The following CSGALNACT1 variants were observed in gnomAD, a reference collection of about 807,000 sequenced individuals.
CSGALNACT1 encodes beta4GalNAcT-1.
CSGALNACT1 carries 52 observed loss-of-function variants against 51.0 expected under a neutral mutation model. That is an observed-to-expected ratio of 1.02 (90% CI 0.82 to 1.29). CSGALNACT1 has a LOEUF of 1.29. Ranked by LOEUF, CSGALNACT1 falls within the 50% of genes most tolerant of loss-of-function variation. CSGALNACT1 has a pLI of 0.00. For synonymous variants in CSGALNACT1, 341 were observed against 254.4 expected, an observed-to-expected ratio of 1.34 and a Z score of -3.24; for missense variants, 935 against 679.2, an observed-to-expected ratio of 1.38 and a Z score of -4.19.
intron 6 of CSGALNACT1, among the ~76,000 whole-genome samples, chr8:19,431,832 T>G (rs1326724569): frequency 6.6e-6 from 1 of 151,846 alleles, no homozygotes; most frequent in Non-Finnish European, 1.5e-5. Flanking sequence ...TTTAATTAAA[T>G]CAATCCATTT....
At chr8:19,573,285 A>C (rs1004666557) in intron 3 of CSGALNACT1, among the ~76,000 whole-genome samples, 2 of 152,222 alleles carry the variant, frequency 1.3e-5, no homozygotes, top group African/African-American at 4.8e-5. Flanking sequence ...CAACTGCTGG[A>C]AAGTGATCAA....
intron 3 of CSGALNACT1, among the ~76,000 whole-genome samples, chr8:19,512,826 G>A (rs190050526): frequency 2.2e-4 from 33 of 152,232 alleles, no homozygotes; most frequent in Non-Finnish European, 3.8e-4. Flanking sequence ...AAGTGTCAGG[G>A]ACTTTAGGAA....
intron 6 of CSGALNACT1, among the ~76,000 whole-genome samples, chr8:19,424,263 A>C (rs749940106): frequency 1.3e-5 from 2 of 152,052 alleles, no homozygotes; most frequent in Non-Finnish European, 2.9e-5. Flanking sequence ...CAGAGTGCTA[A>C]CTCTGTCATC....
intron 4 of CSGALNACT1, among the ~76,000 whole-genome samples, chr8:19,503,967 T>C (rs915918694): frequency 2.0e-5 from 3 of 152,198 alleles, no homozygotes; most frequent in Non-Finnish European, 4.4e-5. Flanking sequence ...AGGAGGCTTT[T>C]TGATTTGATG....
At chr8:19,453,723 C>T (rs1037086386) in intron 5 of CSGALNACT1, among the ~76,000 whole-genome samples, 4 of 152,058 alleles carry the variant, frequency 2.6e-5, no homozygotes, top group African/African-American at 7.2e-5. Flanking sequence ...ACCAGCCTGG[C>T]GAACATGGTG....
At chr8:19,621,036 A>G (rs534773948) in intron 1 of CSGALNACT1, among the ~76,000 whole-genome samples, 1 of 152,366 alleles carries the variant, frequency 6.6e-6, no homozygotes, top group East Asian at 1.9e-4. Flanking sequence ...GGTCATTTTT[A>G]CGAAAATGAA....
chr8:19,668,752 C>T (rs1285021820), intron 1 of CSGALNACT1, among the ~76,000 whole-genome samples: 1 of 152,094 alleles, frequency 6.6e-6, no homozygotes, highest in African/African-American at 2.4e-5. Context: ...GGGGTCTCAC[C>T]ATGTTGCCCA....
chr8:19,664,656 CACACACACAT>C (rs749789841), intron 1 of CSGALNACT1, among the ~76,000 whole-genome samples: 52 of 151,452 alleles, frequency 3.4e-4, no homozygotes, highest in African/African-American at 4.4e-4. Context: ...AACACACACA[CACACACACAT>C]ACACACATAC....
intron 1 of CSGALNACT1, among the ~76,000 whole-genome samples, chr8:19,740,579 G>A (rs1164358035): frequency 6.6e-6 from 1 of 152,294 alleles, no homozygotes; most frequent in Non-Finnish European, 1.5e-5. Context: ...TTCCACTGGG[G>A]TCTTTCTTGC....
chr8:19,608,612 G>A (rs374790331), intron 1 of CSGALNACT1, among the ~76,000 whole-genome samples: 1 of 151,940 alleles, frequency 6.6e-6, no homozygotes, highest in Admixed American at 6.6e-5. Context: ...CAGCCTTTTC[G>A]GGCAAAGACA....
intron 1 of CSGALNACT1, among the ~76,000 whole-genome samples, chr8:19,620,996 G>T (rs796638673): frequency 6.6e-6 from 1 of 152,142 alleles, no homozygotes; most frequent in East Asian, 1.9e-4. Flanking sequence ...ACTTAACACC[G>T]TAAAAATGTT....
intron 1 of CSGALNACT1, among the ~76,000 whole-genome samples, chr8:19,656,591 G>GCA (rs1371589842): frequency 2.1e-4 from 18 of 83,794 alleles, no homozygotes; most frequent in South Asian, 3.7e-4. Flanking sequence ...GAGAAACTAC[G>GCA]CCCCCCCCCC....
At chr8:19,573,850 G>C (rs2043565006) in intron 3 of CSGALNACT1, among the ~76,000 whole-genome samples, 1 of 152,184 alleles carries the variant, frequency 6.6e-6, no homozygotes, top group Admixed American at 6.5e-5. Context: ...AAAGCAGGTA[G>C]AAGAAAAGGA....
intron 1 of CSGALNACT1, among the ~76,000 whole-genome samples, chr8:19,742,928 G>A (rs914897458): frequency 6.6e-6 from 1 of 152,198 alleles, no homozygotes; most frequent in Non-Finnish European, 1.5e-5. Flanking sequence ...TTGCCTCTCT[G>A]AGCTTTGGCT....
chr8:19,410,328 C>G (rs2055382199), intron 8 of CSGALNACT1, among the ~76,000 whole-genome samples: 1 of 152,216 alleles, frequency 6.6e-6, no homozygotes, highest in African/African-American at 2.4e-5. Context: ...GCGGCAAAGT[C>G]TGGAAAAGTC....
intron 4 of CSGALNACT1, among the ~76,000 whole-genome samples, chr8:19,497,988 A>G (rs756026050): frequency 2.0e-5 from 3 of 152,236 alleles, no homozygotes; most frequent in African/African-American, 4.8e-5. Flanking sequence ...TTCATCCTAC[A>G]TATGTTGATT....
intron 1 of CSGALNACT1, among the ~76,000 whole-genome samples, chr8:19,650,261 C>A (rs895039541): frequency 1.3e-5 from 2 of 152,164 alleles, no homozygotes; most frequent in African/African-American, 2.4e-5. Flanking sequence ...CTATTAAAAT[C>A]TTAGCCCCTT....
chr8:19,654,906 G>A (rs571289469), intron 1 of CSGALNACT1, among the ~76,000 whole-genome samples: 21 of 151,740 alleles, frequency 1.4e-4, no homozygotes, highest in Non-Finnish European at 1.2e-4. Context: ...CAAAATATTA[G>A]TAATCAAGAT....
intron 4 of CSGALNACT1, among the ~76,000 whole-genome samples, chr8:19,461,996 T>C (rs921132165): frequency 7.2e-5 from 11 of 152,134 alleles, no homozygotes; most frequent in African/African-American, 2.7e-4. Flanking sequence ...AGCAACGACA[T>C]TTGCCATGGA....
Sources: allele counts gnomAD v4.1 joint callset (sites outside exome capture counted in the v4.1 genomes callset), GRCh38; gene constraint gnomAD v4.1.1; transcripts MANE v1.5; gene names NCBI Gene and HGNC (gene_info 2026-07-23, HGNC 2026-07-21).